KIRREL3: variants seen among roughly 807,000 people sequenced by gnomAD.
The protein encoded by KIRREL3 is kirre like nephrin family adhesion molecule 3.
Under a neutral mutation model 89.7 loss-of-function variants are expected in KIRREL3, and 36 were observed. The observed-to-expected ratio is 0.40, with a 90% CI of 0.31 to 0.53. The LOEUF (loss-of-function observed/expected upper bound fraction) is 0.53. Among genes scored for constraint, KIRREL3 ranks in the 20% least tolerant of loss-of-function variants. The pLI is 0.49. For missense variants in KIRREL3, 864 were observed against 1,056.6 expected (o/e 0.82, Z 2.53); for synonymous variants, 445 against 441.4 (o/e 1.01, Z -0.10).
chr11:126,954,768 G>T lies in KIRREL3; in HGVS notation c.55+45687C>A, dbSNP rs1948875345. Among the ~76,000 whole-genome samples, 1 of 152,154 alleles carries T rather than the reference G, an allele frequency of 6.6e-6. No homozygotes were observed. Among genetic ancestry groups the T allele is most frequent in the African/African-American group, 2.4e-5 (1 of 41,428 alleles). On this transcript the variant is annotated intron_variant, in intron 1 of 16. Coordinates refer to ENST00000525144, the MANE Select transcript of KIRREL3 (RefSeq NM_032531.4). The surrounding 1 kb of genome is among the most constrained non-coding windows in gnomAD (Gnocchi z 4.1). Reference sequence around the variant, plus strand: ...AGGCTTCATCCCTGTAGATGGCCTGGCTTACCCTTGAACAACTTTATCAGA... The same window carrying T: ...AGGCTTCATCCCTGTAGATGGCCTGTCTTACCCTTGAACAACTTTATCAGA...
At position 126,669,253 on chromosome 11, in the gene KIRREL3, G is replaced by A. The variant is rs1220846510; in HGVS notation, c.56-106341C>T. Among the ~76,000 whole-genome samples, 1 of 152,066 alleles carries A rather than the reference G, an allele frequency of 6.6e-6. No individual in the cohort carries two copies. The highest frequency in any genetic ancestry group is 2.4e-5 in the African/African-American group (1 of 41,388). On this transcript the variant is annotated intron_variant, in intron 1 of 16. Coordinates refer to ENST00000525144, the MANE Select transcript of KIRREL3 (RefSeq NM_032531.4). This position sits in a 1 kb window ranked among gnomAD's most constrained non-coding sequence, Gnocchi z 5.0. ...CCCATTGAACAGATGAAAATAAAAG[G>A]GGTCTCTAGATCTGGGATCCTGGCA...
intron 1 of KIRREL3, among the ~76,000 whole-genome samples, chr11:126,745,449 A>T (rs1458734178): frequency 1.4e-5 from 2 of 147,490 alleles, no homozygotes; most frequent in African/African-American, 5.1e-5. Flanking sequence ...GTGAAGCAAG[A>T]TCAAGATGGA....
rs553899404 is a variant in KIRREL3 at position 126,925,104 on chromosome 11, G to T, written c.55+75351C>A. On this transcript the variant is annotated intron_variant, in intron 1 of 16. Coordinates refer to ENST00000525144, the MANE Select transcript of KIRREL3 (RefSeq NM_032531.4). ...TCCTCACCATAAAAAGGTCGGGGGG[G>T]GGGGGGGGCTGTTGGTCACAGGATT... is the stretch of plus-strand genomic sequence containing the variant. 3.6e-4 allele frequency among the ~76,000 whole-genome samples: 53 copies of T among 148,606 alleles called. 2 individuals are homozygous for T. The highest frequency in any genetic ancestry group is 1.2e-3 in the East Asian group (6 of 4,848).
intron 4 of KIRREL3, among the ~76,000 whole-genome samples, chr11:126,488,883 C>T (rs1049495063): frequency 8.5e-5 from 13 of 152,226 alleles, no homozygotes; most frequent in Admixed American, 5.2e-4. Flanking sequence ...AGCCTTACCC[C>T]GTGCCCGTCT....
rs568132621 is a variant in KIRREL3 at position 126,627,977 on chromosome 11, A to G, written c.56-65065T>C. ...AAGGCTCGGTCTCCTGGTTTGAGAA[A>G]CAGGAATGATCCCAGCTCTACCTAT... On this transcript the variant is annotated intron_variant, in intron 1 of 16. Transcript: ENST00000525144. This position sits in a 1 kb window ranked among gnomAD's most constrained non-coding sequence, Gnocchi z 5.0. 6.6e-6 allele frequency among the ~76,000 whole-genome samples: 1 copy of G among 152,346 alleles called. No individual in the cohort carries two copies. Among genetic ancestry groups the G allele is most frequent in the African/African-American group, 2.4e-5 (1 of 41,590 alleles).
At position 126,570,154 on chromosome 11, in the gene KIRREL3, TG is replaced by T. The variant is rs1042910959; in HGVS notation, c.56-7243del. Among the ~76,000 whole-genome samples the T allele has an allele frequency of 6.6e-6, 1 of 152,190 alleles. No homozygotes were observed. The highest frequency in any genetic ancestry group is 2.4e-5 in the African/African-American group (1 of 41,436). ...AATGTTTAATTAGCCCAATAATACC[TG>T]TTTTATAATTTTTGGATCTCATTGC... On this transcript the variant is annotated intron_variant, in intron 1 of 16. Transcript: ENST00000525144. This position sits in a 1 kb window ranked among gnomAD's most constrained non-coding sequence, Gnocchi z 6.1.
intron 1 of KIRREL3, among the ~76,000 whole-genome samples, chr11:126,613,893 T>TTTTTTTTTTTTTTTTTTG (rs371748740): frequency 6.7e-5 from 8 of 118,642 alleles, no homozygotes; most frequent in Non-Finnish European, 1.0e-4. Context: ...TTTTTTTTTT[T>TTTTTTTTTTTTTTTTTTG]ATTTTTTTCC....
chr11:126,811,586 T>A lies in KIRREL3; in HGVS notation c.55+188869A>T, dbSNP rs1404288527. On this transcript the variant is annotated intron_variant, in intron 1 of 16. Transcript: ENST00000525144. This position sits in a 1 kb window ranked among gnomAD's most constrained non-coding sequence, Gnocchi z 4.3. ...TGCAACGTTAGCAATGAACTTCTTTTTTTTCTTTTTCTTTTTTGAGATGGA... is the reference window on the plus strand; with the variant it reads ...TGCAACGTTAGCAATGAACTTCTTTATTTTCTTTTTCTTTTTTGAGATGGA... Among the ~76,000 whole-genome samples, 1 of 152,160 alleles carries A rather than the reference T, an allele frequency of 6.6e-6. No individual in the cohort carries two copies. The highest frequency in any genetic ancestry group is 1.5e-5 in the Non-Finnish European group (1 of 68,028).
In KIRREL3 at chr11:126,918,908, C is replaced by A. The variant is rs1257803899; in HGVS notation, c.55+81547G>T. Reference sequence around the variant, plus strand: ...TAACAATGTAACAATATTGCATAGACCCAAGGAAATATGATTTTATAACGT... The same window carrying A: ...TAACAATGTAACAATATTGCATAGAACCAAGGAAATATGATTTTATAACGT... On this transcript the variant is annotated intron_variant, in intron 1 of 16. Coordinates refer to ENST00000525144, the MANE Select transcript of KIRREL3 (RefSeq NM_032531.4). The surrounding 1 kb of genome is among the most constrained non-coding windows in gnomAD (Gnocchi z 6.5). Among the ~76,000 whole-genome samples the A allele has an allele frequency of 1.3e-5, 2 of 151,656 alleles. No homozygotes were observed. Among genetic ancestry groups the A allele is most frequent in the African/African-American group, 2.4e-5 (1 of 41,354 alleles).
chr11:126,857,556 C>T (rs1944559765), intron 1 of KIRREL3, among the ~76,000 whole-genome samples: 1 of 152,106 alleles, frequency 6.6e-6, no homozygotes, highest in African/African-American at 2.4e-5. Flanking sequence ...TCCTGTTTCT[C>T]TTGGGAGCAT....
rs185042775 is a variant in KIRREL3, at chr11:126,764,671, G to A, written c.56-201759C>T. Among the ~76,000 whole-genome samples, 2 of 152,312 alleles carry A rather than the reference G, an allele frequency of 1.3e-5. No homozygotes were observed. Among genetic ancestry groups the A allele is most frequent in the East Asian group, 3.9e-4 (2 of 5,182 alleles). ...GGTTAGCACATGCACACGTGGGCAC[G>A]TGCAAACTCTCTCAGTGTAGGCTCT... On this transcript the variant is annotated intron_variant, in intron 1 of 16. Transcript: ENST00000525144. This position sits in a 1 kb window ranked among gnomAD's most constrained non-coding sequence, Gnocchi z 4.2.
chr11:126,585,844 T>A (rs143609341), intron 1 of KIRREL3, among the ~76,000 whole-genome samples: 1 of 152,262 alleles, frequency 6.6e-6, no homozygotes, highest in Non-Finnish European at 1.5e-5. Context: ...AAGTTCCATC[T>A]GTGTGTCTTA....
chr11:126,496,009 C>T lies in KIRREL3; in HGVS notation c.434-22543G>A, dbSNP rs1406863978. 6.6e-6 allele frequency among the ~76,000 whole-genome samples: 1 copy of T among 152,206 alleles called. No individual in the cohort carries two copies. Among genetic ancestry groups the T allele is most frequent in the African/African-American group, 2.4e-5 (1 of 41,458 alleles). Reference sequence around the variant, plus strand: ...CGCTCCAGCCCCTAGCTGTTTGCATCTGCATAGCCCAGGCAACAGACATGT... The same window carrying T: ...CGCTCCAGCCCCTAGCTGTTTGCATTTGCATAGCCCAGGCAACAGACATGT... On this transcript the variant is annotated intron_variant, in intron 4 of 16. Transcript: ENST00000525144. This position sits in a 1 kb window ranked among gnomAD's most constrained non-coding sequence, Gnocchi z 4.9.
In KIRREL3 at chr11:126,664,386, T is replaced by C. The variant is rs1591911464; in HGVS notation, c.56-101474A>G. Among the ~76,000 whole-genome samples, 1 of 151,492 alleles carries C rather than the reference T, an allele frequency of 6.6e-6. No homozygotes were observed. The highest frequency in any genetic ancestry group is 1.5e-5 in the Non-Finnish European group (1 of 67,886). On this transcript the variant is annotated intron_variant, in intron 1 of 16. Transcript: ENST00000525144. This position sits in a 1 kb window ranked among gnomAD's most constrained non-coding sequence, Gnocchi z 5.4. ...AGAGCAGGCACGCAGAGGCAGAGAG[T>C]GAAGTCTAGTGAGACCACACGGACA...
intron 1 of KIRREL3, among the ~76,000 whole-genome samples, chr11:126,942,043 C>G (rs1948464992): frequency 1.3e-5 from 2 of 152,074 alleles, no homozygotes; most frequent in African/African-American, 4.8e-5. Context: ...AGTGGTGTGG[C>G]CTTGCAGAGG....
In KIRREL3 at chr11:126,978,400, T is replaced by A. The variant is rs1192871208; in HGVS notation, c.55+22055A>T. 6.6e-6 allele frequency among the ~76,000 whole-genome samples: 1 copy of A among 152,228 alleles called. No individual in the cohort carries two copies. Among genetic ancestry groups the A allele is most frequent in the Admixed American group, 6.5e-5 (1 of 15,278 alleles). On this transcript the variant is annotated intron_variant, in intron 1 of 16. Transcript: ENST00000525144. The surrounding 1 kb of genome is among the most constrained non-coding windows in gnomAD (Gnocchi z 4.2). Reference sequence around the variant, plus strand: ...TCTGGAATGAACCTGCATTCTTTTCTTTGTTAACCCAACCCCTGGCAGCAA... The same window carrying A: ...TCTGGAATGAACCTGCATTCTTTTCATTGTTAACCCAACCCCTGGCAGCAA...
chr11:126,513,843 C>T lies in KIRREL3; in HGVS notation c.433+7472G>A, dbSNP rs775811867. ...CATCTGGCCCCCAACAGCAACTACT[C>T]AGCGTGGCATTATGGCATTGAACCC... is the stretch of plus-strand genomic sequence containing the variant. On this transcript the variant is annotated intron_variant, in intron 4 of 16. Coordinates refer to ENST00000525144, the MANE Select transcript of KIRREL3 (RefSeq NM_032531.4). This position sits in a 1 kb window ranked among gnomAD's most constrained non-coding sequence, Gnocchi z 5.9. Among the ~76,000 whole-genome samples the T allele has an allele frequency of 1.3e-5, 2 of 152,170 alleles. No homozygotes were observed. Among genetic ancestry groups the T allele is most frequent in the African/African-American group, 4.8e-5 (2 of 41,430 alleles).
rs903887934 is a variant in KIRREL3 at position 126,940,914 on chromosome 11, A to G, written c.55+59541T>C. On this transcript the variant is annotated intron_variant, in intron 1 of 16. Coordinates refer to ENST00000525144, the MANE Select transcript of KIRREL3 (RefSeq NM_032531.4). The surrounding 1 kb of genome is among the most constrained non-coding windows in gnomAD (Gnocchi z 4.6). ...TCATCTCCTCCATCTGCATCAGCCT[A>G]AATTGTCCTAGTGAGTTCACTTATG... The G allele has an allele frequency of 2.0e-5, 3 of 151,982 alleles. No homozygotes were observed. The highest frequency in any genetic ancestry group is 7.3e-5 in the African/African-American group (3 of 41,348). The allele number at this position is 151,982 out of a possible 1,614,324, so 9.4% of individuals were successfully genotyped here. A position where few individuals can be genotyped will look rare whatever the true frequency, so the allele number is the denominator to read the frequency against.
intron 1 of KIRREL3, among the ~76,000 whole-genome samples, chr11:126,572,582 CG>C (rs952750276): frequency 4.7e-4 from 41 of 86,698 alleles, no homozygotes; most frequent in African/African-American, 2.0e-3. Flanking sequence ...ACCCCCCCCC[CG>C]CCAAGCAGGT....
Sources: allele counts gnomAD v4.1 joint callset (sites outside exome capture counted in the v4.1 genomes callset), GRCh38; gene constraint gnomAD v4.1.1; non-coding constraint Gnocchi (gnomAD v3.1); transcripts MANE v1.5; gene names NCBI Gene and HGNC (gene_info 2026-07-23, HGNC 2026-07-21).